Variants in PRDM16 observed in about 807,000 individuals in gnomAD.
The protein encoded by PRDM16 is PR/SET domain 16, also known as histone-lysine N-methyltransferase PRDM16.
In PRDM16, 23 loss-of-function variants were observed where a neutral mutation model predicts 110.6. The ratio of observed to expected loss-of-function variants is 0.21; its 90% confidence interval spans 0.15 to 0.29. The LOEUF is 0.29. PRDM16 is among the 10% of genes least tolerant of loss of function. PRDM16 has a pLI of 1.00. For missense variants in PRDM16, 1,615 were observed against 1,794.3 expected (o/e 0.90, Z 1.81); for synonymous variants, 799 against 781.8 (o/e 1.02, Z -0.37).
intron 2 of PRDM16, among the ~76,000 whole-genome samples, chr1:3,198,358 G>A (rs753569780): frequency 6.6e-6 from 1 of 152,254 alleles, no homozygotes; most frequent in Admixed American, 6.5e-5. Flanking sequence ...TGTTCTGCGT[G>A]GCCTTGGCTG....
intron 2 of PRDM16, among the ~76,000 whole-genome samples, chr1:3,202,172 A>G (rs993136599): frequency 3.9e-5 from 6 of 152,142 alleles, no homozygotes; most frequent in Admixed American, 3.9e-4. Flanking sequence ...GCATGACCTC[A>G]TGGTAGACTT....
chr1:3,305,849 G>A (rs571536688), intron 3 of PRDM16, among the ~76,000 whole-genome samples: 6 of 152,352 alleles, frequency 3.9e-5, no homozygotes, highest in East Asian at 3.9e-4. Context: ...GGTGATGCCC[G>A]TGCTGCTTTT....
At position 3,411,880 on chromosome 1, in the gene PRDM16, C is replaced by G. The variant is rs771966209; in HGVS notation, c.1683C>G (p.Ala561=). 7 of 1,612,974 alleles carry G rather than the reference C, an allele frequency of 4.3e-6. No individual in the cohort carries two copies. The Admixed American group carries it at 1.2e-4, about 27-fold the overall frequency. ...ACCCAGCCCTGCCCCTGGTCTCCGC[C>G]GTCAGCAACAGCAGCCAGGGCACGA... The part of the protein sequence containing the change: ...LGNPALPLVS[A]VSNSSQGTTA... The change falls in exon 9 of 17, where the codon GCC becomes GCG. Residue 561 remains alanine, a synonymous_variant. Transcript: ENST00000270722.
At chr1:3,371,521 C>G (rs1438246143) in intron 3 of PRDM16, among the ~76,000 whole-genome samples, 1 of 151,554 alleles carries the variant, frequency 6.6e-6, no homozygotes, top group Non-Finnish European at 1.5e-5. Flanking sequence ...CCCACCCATC[C>G]ACCATCTATC....
intron 3 of PRDM16, among the ~76,000 whole-genome samples, chr1:3,354,327 G>A (rs983471724): frequency 6.6e-6 from 1 of 152,086 alleles, no homozygotes; most frequent in African/African-American, 2.4e-5. Context: ...AGGCGTTGTG[G>A]TGCGTGTCTG....
intron 4 of PRDM16, among the ~76,000 whole-genome samples, chr1:3,393,723 C>T (rs1013074566): frequency 6.6e-6 from 1 of 152,124 alleles, no homozygotes; most frequent in African/African-American, 2.4e-5. Flanking sequence ...GCTGTAAAAA[C>T]GCAGCCAGCT....
chr1:3,298,531 C>T (rs574351890), intron 3 of PRDM16, among the ~76,000 whole-genome samples: 138 of 152,354 alleles, frequency 9.1e-4, no homozygotes, highest in Middle Eastern at 6.8e-3. Flanking sequence ...AGGGCAGCCC[C>T]GGATGATGCC....
chr1:3,261,914 G>A (rs914912425), intron 3 of PRDM16, among the ~76,000 whole-genome samples: 1 of 152,246 alleles, frequency 6.6e-6, no homozygotes, highest in African/African-American at 2.4e-5. Context: ...AATAGGAAGA[G>A]AAAGGAAAGA....
intron 1 of PRDM16, chr1:3,128,063 A>C (rs1643248174): frequency 6.5e-6 from 1 of 154,482 alleles, no homozygotes; most frequent in South Asian, 2.0e-4. Flanking sequence ...TTGTATGAAA[A>C]TCTCCTCCCC....
At chr1:3,198,098 T>C (rs1477418918) in intron 2 of PRDM16, among the ~76,000 whole-genome samples, 1 of 152,186 alleles carries the variant, frequency 6.6e-6, no homozygotes, top group Non-Finnish European at 1.5e-5. Flanking sequence ...GGACAACTCC[T>C]GTGGGCTGCC....
chr1:3,283,143 G>T (rs1640751466), intron 3 of PRDM16, among the ~76,000 whole-genome samples: 1 of 152,150 alleles, frequency 6.6e-6, no homozygotes, highest in Non-Finnish European at 1.5e-5. Flanking sequence ...CCAGTGGCCG[G>T]GCTCATGGGT....
At position 3,140,933 on chromosome 1, in the gene PRDM16, G is replaced by A. The variant is rs545350351; in HGVS notation, c.38-45192G>A. Among the ~76,000 whole-genome samples the A allele has an allele frequency of 1.8e-3, 277 of 152,270 alleles. 1 individual carries two copies. Among genetic ancestry groups the A allele is most frequent in the South Asian group, 1.0e-3 (5 of 4,824 alleles). ...AAGCAGGCGGTCGGAGAAGGGGCACGACATGGCTTTTACTCCCGATACGGA... is the reference window on the plus strand; with the variant it reads ...AAGCAGGCGGTCGGAGAAGGGGCACAACATGGCTTTTACTCCCGATACGGA... On this transcript the variant is annotated intron_variant, in intron 1 of 16. Transcript: ENST00000270722.
At chr1:3,280,050 GAA>G (rs141979943) in intron 3 of PRDM16, among the ~76,000 whole-genome samples, 99 of 144,388 alleles carry the variant, frequency 6.9e-4, no homozygotes, top group Non-Finnish European at 8.9e-4. Flanking sequence ...CAAGCAGGGT[GAA>G]AAAAAAAAAA....
chr1:3,368,153 C>T (rs1380266336), intron 3 of PRDM16, among the ~76,000 whole-genome samples: 2 of 152,192 alleles, frequency 1.3e-5, no homozygotes, highest in African/African-American at 2.4e-5. Context: ...AATCATGCAT[C>T]GCTGAGAACC....
chr1:3,404,179 G>T (rs982492572), intron 6 of PRDM16, among the ~76,000 whole-genome samples: 5 of 152,206 alleles, frequency 3.3e-5, no homozygotes, highest in African/African-American at 1.2e-4. Context: ...GAAGCCGGGG[G>T]TCCCCCAAGA....
At chr1:3,295,788 C>T (rs1280748013) in intron 3 of PRDM16, among the ~76,000 whole-genome samples, 1 of 152,102 alleles carries the variant, frequency 6.6e-6, no homozygotes, top group African/African-American at 2.4e-5. Flanking sequence ...AGACACCACG[C>T]GTGCAGCCTG....
chr1:3,402,854 G>A lies in PRDM16; in HGVS notation c.740G>A (p.Arg247His), dbSNP rs543104292. The A allele has an allele frequency of 1.2e-5, 19 of 1,613,052 alleles. No individual in the cohort carries two copies. Among genetic ancestry groups the A allele is most frequent in the East Asian group, 2.2e-5 (1 of 44,884 alleles). ...ELFQSKLDLRRHKKYTCGSVG... is the reference protein window; with the variant it reads ...ELFQSKLDLRHHKKYTCGSVG... ...TTCCAGTCCAAGCTGGACCTGCGGC[G>A]CCATAAGAAGTACACGTGTGGCTCA... The change falls in exon 6 of 17, where the codon CGC becomes CAC. Residue 247 changes from arginine to histidine, a missense_variant. This residue lies in a region of PRDM16 where 416 missense variants were observed against 467.1 expected (regional missense o/e 0.89). Coordinates refer to ENST00000270722, the MANE Select transcript of PRDM16 (RefSeq NM_022114.4).
At chr1:3,119,323 G>T (rs1643039378) in intron 1 of PRDM16, among the ~76,000 whole-genome samples, 1 of 152,262 alleles carries the variant, frequency 6.6e-6, no homozygotes, top group African/African-American at 2.4e-5. Flanking sequence ...GTGACCCGCT[G>T]CAGGCTTGGC....
intron 2 of PRDM16, among the ~76,000 whole-genome samples, chr1:3,230,796 G>A (rs1188900443): frequency 1.3e-5 from 2 of 152,204 alleles, no homozygotes; most frequent in Non-Finnish European, 2.9e-5. Context: ...TGCCCGGTGC[G>A]ACCGCACTGC....
Sources: gnomAD v4.1 joint callset for allele counts (sites outside exome capture counted in the v4.1 genomes callset) on GRCh38, gnomAD v4.1.1 for gene constraint, gnomAD v4.1.1 regional missense constraint, MANE v1.5 for transcripts, NCBI Gene and HGNC (gene_info 2026-07-23, HGNC 2026-07-21) for gene names.